Variants in FHIT observed in about 807,000 individuals in gnomAD.
FHIT encodes fragile histidine triad diadenosine triphosphatase.
FHIT carries 19 observed loss-of-function variants against 17.9 expected under a neutral mutation model. The observed-to-expected ratio is 1.06, with a 90% CI of 0.74 to 1.56. FHIT has a LOEUF of 1.56. Among genes scored for constraint, FHIT ranks in the 40% most tolerant of loss-of-function variants. The probability of loss-of-function intolerance (pLI) is 0.00; values close to 1 mark genes in which losing one functional copy is unlikely to be tolerated. For missense variants in FHIT, 248 were observed against 189.2 expected (o/e 1.31, Z -1.82); for synonymous variants, 81 against 69.7 (o/e 1.16, Z -0.81).
At chr3:60,860,494 ATATATCAGG>A (rs1476764274) in intron 3 of FHIT, among the ~76,000 whole-genome samples, 9 of 125,718 alleles carry the variant, frequency 7.2e-5, no homozygotes, top group African/African-American at 2.8e-4. Flanking sequence ...TATGTATCAT[ATATATCAGG>A]TATATATGAT....
At chr3:60,702,798 A>G (rs909925975) in intron 4 of FHIT, among the ~76,000 whole-genome samples, 6 of 152,204 alleles carry the variant, frequency 3.9e-5, no homozygotes, top group South Asian at 2.1e-4. Context: ...TCCTGATTTA[A>G]TATGAGTGAC....
intron 5 of FHIT, among the ~76,000 whole-genome samples, chr3:60,026,990 T>TA (rs1700764950): frequency 6.6e-6 from 1 of 151,890 alleles, no homozygotes; most frequent in African/African-American, 2.4e-5. Context: ...TCCCAGCTAC[T>TA]CGGAAAGCTG....
intron 1 of FHIT, among the ~76,000 whole-genome samples, chr3:61,221,741 C>A (rs2039844282): frequency 6.6e-6 from 1 of 152,188 alleles, no homozygotes; most frequent in South Asian, 2.1e-4. Flanking sequence ...TGCATGCCTG[C>A]CTCATTCTAA....
At chr3:60,323,929 G>A (rs138674265) in intron 5 of FHIT, among the ~76,000 whole-genome samples, 80 of 152,258 alleles carry the variant, frequency 5.3e-4, no homozygotes, top group African/African-American at 1.9e-3. Context: ...AATGAGAAGG[G>A]TTGAAAGAAA....
chr3:60,988,642 C>T (rs1030639433), intron 3 of FHIT, among the ~76,000 whole-genome samples: 1 of 152,040 alleles, frequency 6.6e-6, no homozygotes, highest in African/African-American at 2.4e-5. Flanking sequence ...CGGCATGATA[C>T]ATAAAAGGAG....
intron 8 of FHIT, among the ~76,000 whole-genome samples, chr3:59,882,683 T>G (rs184388928): frequency 3.7e-4 from 57 of 152,286 alleles, no homozygotes; most frequent in Admixed American, 3.5e-3. Flanking sequence ...TGTAGAAAAC[T>G]GAAGTACACT....
At chr3:60,035,745 G>A (rs193160665) in intron 5 of FHIT, among the ~76,000 whole-genome samples, 70 of 152,150 alleles carry the variant, frequency 4.6e-4, no homozygotes, top group African/African-American at 1.2e-3. Context: ...CACTATTCTC[G>A]CCAGCACTTC....
chr3:60,866,359 G>T (rs116342110), intron 3 of FHIT, among the ~76,000 whole-genome samples: 3 of 152,288 alleles, frequency 2.0e-5, no homozygotes, highest in Non-Finnish European at 4.4e-5. Context: ...AGTCCTTAAA[G>T]CTTTCCCCCT....
chr3:59,911,919 G>T (rs1704897924), intron 8 of FHIT, among the ~76,000 whole-genome samples: 3 of 152,164 alleles, frequency 2.0e-5, no homozygotes, highest in Non-Finnish European at 4.4e-5. Flanking sequence ...GTGCCGGGAG[G>T]CAGAGACGAT....
chr3:60,613,962 G>A (rs1432232194), intron 4 of FHIT, among the ~76,000 whole-genome samples: 1 of 152,098 alleles, frequency 6.6e-6, no homozygotes, highest in African/African-American at 2.4e-5. Context: ...ACAAAGTCCA[G>A]GAACACTGTC....
intron 5 of FHIT, among the ~76,000 whole-genome samples, chr3:60,200,479 A>T (rs947790801): frequency 5.3e-5 from 8 of 152,120 alleles, no homozygotes; most frequent in Non-Finnish European, 1.0e-4. Flanking sequence ...TACATGACCA[A>T]AATTACTTTT....
intron 4 of FHIT, among the ~76,000 whole-genome samples, chr3:60,766,905 A>G (rs1699873657): frequency 6.6e-6 from 1 of 152,232 alleles, no homozygotes; most frequent in Non-Finnish European, 1.5e-5. Context: ...TTAGAATGAA[A>G]GTGACCCTTG....
chr3:59,978,648 A>T (rs1415255228), intron 7 of FHIT, among the ~76,000 whole-genome samples: 1 of 149,838 alleles, frequency 6.7e-6, no homozygotes, highest in Non-Finnish European at 1.5e-5. Context: ...CTGAGGAGGG[A>T]CACTTTGCAA....
At chr3:60,449,913 G>T (rs961824231) in intron 5 of FHIT, among the ~76,000 whole-genome samples, 1 of 144,694 alleles carries the variant, frequency 6.9e-6, no homozygotes, top group African/African-American at 2.5e-5. Flanking sequence ...TGAGGCAGGA[G>T]AATCACTTGA....
intron 5 of FHIT, among the ~76,000 whole-genome samples, chr3:60,240,337 T>C (rs1013418666): frequency 6.6e-6 from 1 of 152,240 alleles, no homozygotes; most frequent in Non-Finnish European, 1.5e-5. Context: ...GTTATGTAGC[T>C]ATTAAGCTAC....
intron 5 of FHIT, among the ~76,000 whole-genome samples, chr3:60,191,603 T>C (rs1576283384): frequency 6.6e-6 from 1 of 152,060 alleles, no homozygotes; most frequent in African/African-American, 2.4e-5. Flanking sequence ...AAAAGTAGTA[T>C]TTTTTTATAT....
chr3:60,013,567 G>T (rs1404355269), intron 6 of FHIT, among the ~76,000 whole-genome samples: 1 of 152,162 alleles, frequency 6.6e-6, no homozygotes, highest in Non-Finnish European at 1.5e-5. Flanking sequence ...TAACTAATCT[G>T]TGATCAATCT....
intron 1 of FHIT, among the ~76,000 whole-genome samples, chr3:61,204,720 C>T (rs749965928): frequency 6.6e-6 from 1 of 152,098 alleles, no homozygotes; most frequent in Non-Finnish European, 1.5e-5. Context: ...GATAAGTACA[C>T]ACCACGGAAA....
chr3:60,873,799 C>A (rs1199599564), intron 3 of FHIT, among the ~76,000 whole-genome samples: 23 of 152,148 alleles, frequency 1.5e-4, no homozygotes, highest in Admixed American at 1.5e-3. Context: ...GTGTGCCTCC[C>A]ATTTCAGAGA....
Sources: gnomAD v4.1 joint callset for allele counts (sites outside exome capture counted in the v4.1 genomes callset) on GRCh38, gnomAD v4.1.1 for gene constraint, MANE v1.5 for transcripts, NCBI Gene and HGNC (gene_info 2026-07-23, HGNC 2026-07-21) for gene names.